The following HTR1F variants were observed in gnomAD, a reference collection of about 807,000 sequenced individuals.
HTR1F encodes the protein 5-hydroxytryptamine receptor 1F.
A neutral mutation model predicts 24.0 loss-of-function variants in HTR1F; 17 were observed. The observed-to-expected ratio is 0.71, with a 90% confidence interval of 0.48 to 1.06. HTR1F has a LOEUF of 1.06. Ranked by LOEUF, HTR1F falls within the 50% of genes least tolerant of loss-of-function variation. The pLI, the probability that HTR1F is intolerant of heterozygous loss-of-function variation, is 0.00. For missense variants in HTR1F, 391 were observed against 427.8 expected, an observed-to-expected ratio of 0.91 and a Z score of 0.76; for synonymous variants, 186 against 156.8, an observed-to-expected ratio of 1.19 and a Z score of -1.39.
intron 2 of HTR1F, among the ~76,000 whole-genome samples, chr3:87,931,306 T>G (rs1389584140): frequency 6.6e-6 from 1 of 152,162 alleles, no homozygotes; most frequent in Non-Finnish European, 1.5e-5. Flanking sequence ...GTGTTTGGTT[T>G]TTTGTCCTTG....
chr3:87,861,794 T>A (rs1240954386), intron 2 of HTR1F, among the ~76,000 whole-genome samples: 1 of 152,196 alleles, frequency 6.6e-6, no homozygotes, highest in Non-Finnish European at 1.5e-5. Flanking sequence ...TTAATTTTTA[T>A]TATTTTTTAG....
At chr3:87,803,372 C>A (rs1040793112) in intron 1 of HTR1F, among the ~76,000 whole-genome samples, 1 of 152,082 alleles carries the variant, frequency 6.6e-6, no homozygotes, top group Non-Finnish European at 1.5e-5. Flanking sequence ...TATATTCTCC[C>A]AGATTTACCC....
intron 2 of HTR1F, among the ~76,000 whole-genome samples, chr3:87,920,029 T>TTA (rs74326472): frequency 0.19 from 26,427 of 141,882 alleles, 2,572 homozygotes; most frequent in East Asian, 0.23. Context: ...ATATGTAATA[T>TTA]TATATATATA....
chr3:87,962,050 A>G (rs568287298), intron 2 of HTR1F, among the ~76,000 whole-genome samples: 5 of 152,216 alleles, frequency 3.3e-5, no homozygotes, highest in African/African-American at 1.2e-4. Context: ...TCAATGTGCT[A>G]TCTACATTGC....
intron 2 of HTR1F, among the ~76,000 whole-genome samples, chr3:87,904,272 G>A (rs1960512): frequency 0.093 from 14,114 of 152,128 alleles, 1,926 homozygotes; most frequent in African/African-American, 0.3. Context: ...CTTTGCTGAC[G>A]AGAGTGTAAA....
intron 2 of HTR1F, among the ~76,000 whole-genome samples, chr3:87,848,577 G>T (rs1042119772): frequency 4.0e-5 from 6 of 151,632 alleles, no homozygotes; most frequent in African/African-American, 1.2e-4. Flanking sequence ...TAAATGTTAG[G>T]TACAAGATGT....
intron 2 of HTR1F, among the ~76,000 whole-genome samples, chr3:87,964,639 C>T (rs1449546338): frequency 6.6e-6 from 1 of 151,986 alleles, no homozygotes; most frequent in African/African-American, 2.4e-5. Context: ...GGGGCCAGGA[C>T]TGAAAACAGA....
chr3:87,970,441 G>T (rs1453350271), intron 2 of HTR1F, among the ~76,000 whole-genome samples: 2 of 152,178 alleles, frequency 1.3e-5, no homozygotes, highest in South Asian at 4.1e-4. Context: ...AATTGCTGAG[G>T]TAGAGGAAAA....
At chr3:87,931,369 G>A (rs1704267242) in intron 2 of HTR1F, among the ~76,000 whole-genome samples, 1 of 152,120 alleles carries the variant, frequency 6.6e-6, no homozygotes, top group Admixed American at 6.6e-5. Flanking sequence ...CCCTACAAAG[G>A]ACGTGAACTC....
At chr3:87,837,087 T>C (rs1171785326) in intron 2 of HTR1F, among the ~76,000 whole-genome samples, 1 of 152,142 alleles carries the variant, frequency 6.6e-6, no homozygotes, top group Non-Finnish European at 1.5e-5. Context: ...TGTTTGCTAG[T>C]CAATATTAAT....
intron 2 of HTR1F, among the ~76,000 whole-genome samples, chr3:87,833,783 G>A (rs1704629356): frequency 6.6e-6 from 1 of 152,076 alleles, no homozygotes; most frequent in South Asian, 2.1e-4. Context: ...GGGTTTACAG[G>A]CATAAGCCAC....
intron 2 of HTR1F, among the ~76,000 whole-genome samples, chr3:87,987,537 C>A (rs1382852304): frequency 3.3e-5 from 5 of 149,614 alleles, no homozygotes; most frequent in Admixed American, 2.0e-4. Flanking sequence ...AGAATAGAAA[C>A]AATATGAGAG....
chr3:87,807,682 A>C (rs1228866920), intron 1 of HTR1F, among the ~76,000 whole-genome samples: 1 of 151,940 alleles, frequency 6.6e-6, no homozygotes, highest in Non-Finnish European at 1.5e-5. Flanking sequence ...GAAAGTTGTC[A>C]TCCTCATCTT....
At chr3:87,893,578 G>A (rs2107310634) in intron 2 of HTR1F, among the ~76,000 whole-genome samples, 1 of 152,282 alleles carries the variant, frequency 6.6e-6, no homozygotes, top group Middle Eastern at 3.4e-3. Context: ...CAAGTGGCTG[G>A]CCAGAATGCC....
At chr3:87,876,951 T>C (rs1273750904) in intron 2 of HTR1F, among the ~76,000 whole-genome samples, 2 of 152,164 alleles carry the variant, frequency 1.3e-5, no homozygotes. Flanking sequence ...AGATGGTAAA[T>C]TTTATGATAT....
At chr3:87,863,666 T>C (rs575164826) in intron 2 of HTR1F, among the ~76,000 whole-genome samples, 3 of 152,346 alleles carry the variant, frequency 2.0e-5, no homozygotes, top group African/African-American at 7.2e-5. Flanking sequence ...AATTTTTCTA[T>C]AATGCTCCTT....
intron 2 of HTR1F, among the ~76,000 whole-genome samples, chr3:87,861,336 C>A (rs1385260702): frequency 1.3e-5 from 2 of 152,014 alleles, no homozygotes; most frequent in African/African-American, 4.8e-5. Context: ...AATACTAAAT[C>A]CATTTTGAAT....
intron 2 of HTR1F, among the ~76,000 whole-genome samples, chr3:87,984,626 C>T (rs370312414): frequency 1.3e-5 from 2 of 152,070 alleles, no homozygotes; most frequent in East Asian, 3.9e-4. Context: ...CCACACCCAG[C>T]TAATTATTTG....
At chr3:87,979,969 G>A (rs1385988185) in intron 2 of HTR1F, among the ~76,000 whole-genome samples, 2 of 152,204 alleles carry the variant, frequency 1.3e-5, no homozygotes, top group Non-Finnish European at 2.9e-5. Flanking sequence ...CCCGAAGAGA[G>A]TGCCTCAGCC....
Sources: allele counts gnomAD v4.1 joint callset (sites outside exome capture counted in the v4.1 genomes callset), GRCh38; gene constraint gnomAD v4.1.1; transcripts MANE v1.5; gene names NCBI Gene and HGNC (gene_info 2026-07-23, HGNC 2026-07-21).